Variants in OVCH1 observed in about 807,000 individuals in gnomAD.
The protein encoded by OVCH1 is ovochymase 1, also known as ovochymase-1.
Under a neutral mutation model 138.4 loss-of-function variants are expected in OVCH1, and 139 were observed. The ratio of observed to expected loss-of-function variants is 1.00; its 90% CI spans 0.87 to 1.16. OVCH1 has a LOEUF of 1.16. OVCH1 is among the 50% of genes most tolerant of loss of function. The pLI is 0.00. For missense variants in OVCH1, 1,367 were observed against 1,357.9 expected, an observed-to-expected ratio of 1.01 and a Z score of -0.11; for synonymous variants, 453 against 467.8, an observed-to-expected ratio of 0.97 and a Z score of 0.41.
downstream of OVCH1, among the ~76,000 whole-genome samples, chr12:29,423,978 C>T (rs562021617): frequency 2.8e-4 from 42 of 152,230 alleles, no homozygotes; most frequent in African/African-American, 9.4e-4. Flanking sequence ...GAGACCAGCT[C>T]GGTCGGGGAG....
At chr12:29,431,272 CA>C (rs1200872290) in intron 27 of OVCH1, among the ~76,000 whole-genome samples, 3 of 151,120 alleles carry the variant, frequency 2.0e-5, no homozygotes, top group South Asian at 2.1e-4. Context: ...TCGTCTCTAC[CA>C]AAAAAAACAA....
intron 26 of OVCH1, among the ~76,000 whole-genome samples, chr12:29,438,466 GA>G (rs11346143): frequency 0.99 from 149,344 of 151,074 alleles, 73,809 homozygotes; most frequent in South Asian, 1. Flanking sequence ...CATCCCTCCA[GA>G]AAAAAAAAAA....
intron 3 of OVCH1, 128 bp from the exon 4 acceptor site, chr12:29,495,585 CTTATTA>C (rs1450337496): frequency 1.2e-6 from 1 of 832,766 alleles, no homozygotes; most frequent in Non-Finnish European, 1.8e-6. Context: ...GAAGGTTTTC[CTTATTA>C]TTGAGTATTA....
At chr12:29,482,117 G>T (rs533358341) in intron 8 of OVCH1, among the ~76,000 whole-genome samples, 1 of 152,168 alleles carries the variant, frequency 6.6e-6, no homozygotes, top group Non-Finnish European at 1.5e-5. Context: ...TCCTCCAATG[G>T]CTCTCTAGCT....
At chr12:29,442,536 T>G (rs974234419) in intron 25 of OVCH1, among the ~76,000 whole-genome samples, 6 of 150,136 alleles carry the variant, frequency 4.0e-5, no homozygotes, top group Non-Finnish European at 8.9e-5. Flanking sequence ...GACGAGTTAA[T>G]GGGTGCAGCA....
chr12:29,480,486 C>A (rs57061071), intron 8 of OVCH1, among the ~76,000 whole-genome samples: 3,113 of 152,234 alleles, frequency 0.02, 115 homozygotes, highest in African/African-American at 0.071. Context: ...AAATCTATGC[C>A]AACTTTGATT....
intron 8 of OVCH1, 103 bp downstream of exon 8, chr12:29,486,147 T>G (rs1592109978): frequency 8.6e-7 from 1 of 1,166,920 alleles, no homozygotes. Context: ...ATTCAAAAAT[T>G]TAAATAAAAC....
the OVCH1 span, among the ~76,000 whole-genome samples, chr12:29,405,920 C>A: frequency 6.6e-6 from 1 of 152,290 alleles, no homozygotes; most frequent in African/African-American, 2.4e-5. Flanking sequence ...ATATTTGTAA[C>A]TTGTTAACTC....
chr12:29,455,013 C>T (rs974304866), intron 20 of OVCH1, 80 bp from the exon 21 acceptor site: 7 of 1,270,488 alleles, frequency 5.5e-6, no homozygotes, highest in Non-Finnish European at 6.6e-6. Flanking sequence ...CAGCCACTAT[C>T]AAAAGAAACA....
chr12:29,462,262 A>G (rs1004079621), intron 18 of OVCH1, among the ~76,000 whole-genome samples: 1 of 152,006 alleles, frequency 6.6e-6, no homozygotes, highest in East Asian at 1.9e-4. Flanking sequence ...TTTCTAGCTT[A>G]TTTTCAATTT....
At chr12:29,443,845 T>C (rs1212271748) in intron 24 of OVCH1, among the ~76,000 whole-genome samples, 2 of 152,138 alleles carry the variant, frequency 1.3e-5, no homozygotes, top group East Asian at 3.8e-4. Context: ...GTATCTACTA[T>C]GTACCCAAAT....
intron 26 of OVCH1, chr12:29,439,271 C>G: frequency 7.5e-7 from 1 of 1,338,664 alleles, no homozygotes; most frequent in Non-Finnish European, 9.7e-7. Flanking sequence ...ATTTATTGTT[C>G]TTTTTGTTAA....
chr12:29,459,403 G>C (rs1942056724), intron 19 of OVCH1, among the ~76,000 whole-genome samples: 2 of 152,116 alleles, frequency 1.3e-5, no homozygotes, highest in East Asian at 3.9e-4. Flanking sequence ...AACTTCACCT[G>C]TTCTCATTTA....
intron 8 of OVCH1, among the ~76,000 whole-genome samples, chr12:29,480,494 A>G (rs1942895265): frequency 1.3e-5 from 2 of 152,180 alleles, no homozygotes. Flanking sequence ...GCCAACTTTG[A>G]TTTATTATTA....
the OVCH1 span, among the ~76,000 whole-genome samples, chr12:29,405,035 A>AAAAAC: frequency 4.9e-4 from 72 of 147,664 alleles, 1 homozygote; most frequent in African/African-American, 1.7e-3. Flanking sequence ...AAAAAAAAAA[A>AAAAAC]AAAAAAAAAA....
At chr12:29,490,267 G>A (rs1252965460) in intron 5 of OVCH1, among the ~76,000 whole-genome samples, 3 of 151,396 alleles carry the variant, frequency 2.0e-5, no homozygotes, top group Non-Finnish European at 4.4e-5. Context: ...TATTTTTGTG[G>A]AGACAAGGTC....
Position 29,433,773 on chromosome 12 carries a change from T to G in OVCH1, c.3305A>C (p.Lys1102Thr), listed in dbSNP as rs759265979. 9.1e-6 allele frequency: 13 copies of G among 1,424,868 alleles called. No homozygotes were observed. The African/African-American group carries it at 1.4e-4, about 16-fold the overall frequency. The allele number at this position is 1,424,868 out of a possible 1,614,324, so 88.3% of individuals were successfully genotyped here. ...TACATAACTTAAATTTGATGCAAAT[T>G]TCTTCTGTTTTCTTTTTCCAACACT... is the stretch of plus-strand genomic sequence containing the variant. The change falls in exon 27 of 28, where the codon AAA becomes ACA. Residue 1102 changes from lysine to threonine, a missense_variant. Coordinates refer to ENST00000318184, the Ensembl canonical transcript of OVCH1.
At position 29,478,945 on chromosome 12, in the gene OVCH1, A is replaced by G. The variant is rs375688768; in HGVS notation, c.996-37T>C. 190 of 1,459,242 alleles carry G rather than the reference A, an allele frequency of 1.3e-4. 1 individual carries two copies. The highest frequency in any genetic ancestry group is 1.2e-3 in the African/African-American group (85 of 70,356). 90.4% of individuals were successfully genotyped at this position (1,459,242 alleles called of 1,614,324 possible). ...TATCAGGATTATTTTATCTTCTGGT[A>G]CCATTATTTTCCAAACATATAAGCT... On this transcript the variant is annotated intron_variant, in intron 8 of 27. Transcript: ENST00000318184.
At chr12:29,435,022 TA>T (rs1401456977) in intron 26 of OVCH1, among the ~76,000 whole-genome samples, 1 of 152,210 alleles carries the variant, frequency 6.6e-6, no homozygotes, top group Non-Finnish European at 1.5e-5. Flanking sequence ...CTCAGGGAAC[TA>T]AAAAGTTATT....
Sources: allele counts gnomAD v4.1 joint callset (sites outside exome capture counted in the v4.1 genomes callset), GRCh38; gene constraint gnomAD v4.1.1; transcripts MANE v1.5; gene names NCBI Gene and HGNC (gene_info 2026-07-23, HGNC 2026-07-21).